The following GRM5 variants were observed in gnomAD, a reference collection of about 807,000 sequenced individuals.
The protein encoded by GRM5 is glutamate metabotropic receptor 5.
In GRM5, 19 loss-of-function variants were observed where a neutral mutation model predicts 83.1. That is an observed-to-expected ratio of 0.23 (90% CI 0.16 to 0.34). The LOEUF (loss-of-function observed/expected upper bound fraction) is 0.34, where lower values mean the gene tolerates loss of function less well. Among genes scored for constraint, GRM5 ranks in the 10% least tolerant of loss-of-function variants. GRM5 has a pLI of 1.00. For synonymous variants in GRM5, 675 were observed against 633.6 expected (o/e 1.07, Z -0.98); for missense variants, 1,160 against 1,588.3 (o/e 0.73, Z 4.58).
At chr11:88,616,571 T>A (rs1938492483) in intron 4 of GRM5, among the ~76,000 whole-genome samples, 1 of 151,978 alleles carries the variant, frequency 6.6e-6, no homozygotes. Context: ...TCTGAATATA[T>A]TTTGAAAGCA....
At chr11:88,697,071 A>G (rs1940921902) in intron 3 of GRM5, among the ~76,000 whole-genome samples, 1 of 152,188 alleles carries the variant, frequency 6.6e-6, no homozygotes. Flanking sequence ...TTTATGTCTC[A>G]TGTGTATACA....
chr11:88,689,216 T>C (rs573229293), intron 3 of GRM5, among the ~76,000 whole-genome samples: 1 of 152,334 alleles, frequency 6.6e-6, no homozygotes, highest in East Asian at 1.9e-4. Flanking sequence ...ATGCCTGCTC[T>C]GTATTAGGCA....
intron 2 of GRM5, among the ~76,000 whole-genome samples, chr11:88,949,311 C>T (rs1938380668): frequency 6.6e-6 from 1 of 152,200 alleles, no homozygotes; most frequent in Non-Finnish European, 1.5e-5. Flanking sequence ...GGATATCTTC[C>T]ATCAATAGAA....
intron 2 of GRM5, among the ~76,000 whole-genome samples, chr11:88,992,240 T>C (rs2135050028): frequency 6.6e-6 from 1 of 152,194 alleles, no homozygotes; most frequent in Non-Finnish European, 1.5e-5. Flanking sequence ...AGAAGACATT[T>C]ATGCAGCCAA....
chr11:88,704,609 T>C (rs1401000098), intron 3 of GRM5, among the ~76,000 whole-genome samples: 1 of 152,068 alleles, frequency 6.6e-6, no homozygotes, highest in Non-Finnish European at 1.5e-5. Flanking sequence ...AGCAGATGAG[T>C]AACTGCTTGA....
chr11:88,737,497 A>AAAAT (rs1941941124), intron 3 of GRM5, among the ~76,000 whole-genome samples: 1 of 152,050 alleles, frequency 6.6e-6, no homozygotes, highest in Non-Finnish European at 1.5e-5. Context: ...TCTTGCTTCA[A>AAAAT]AAATAAGAAA....
intron 2 of GRM5, among the ~76,000 whole-genome samples, chr11:88,957,702 TTCTC>T (rs781272936): frequency 1.4e-4 from 21 of 152,182 alleles, no homozygotes; most frequent in South Asian, 4.1e-4. Flanking sequence ...TGAAGATAAT[TTCTC>T]TCTATTACAT....
At chr11:88,817,923 A>T (rs1169271041) in intron 3 of GRM5, among the ~76,000 whole-genome samples, 1 of 152,092 alleles carries the variant, frequency 6.6e-6, no homozygotes, top group African/African-American at 2.4e-5. Context: ...AACATGTTAC[A>T]CTGCTTCCCT....
At chr11:88,920,946 A>G (rs1035343012) in intron 2 of GRM5, among the ~76,000 whole-genome samples, 2 of 152,204 alleles carry the variant, frequency 1.3e-5, no homozygotes, top group African/African-American at 2.4e-5. Flanking sequence ...TTAAAAACAT[A>G]TATGTGCAGG....
intron 2 of GRM5, among the ~76,000 whole-genome samples, chr11:88,929,202 G>C (rs1937630138): frequency 1.3e-5 from 2 of 151,902 alleles, no homozygotes; most frequent in Admixed American, 6.6e-5. Flanking sequence ...CACTCCCATG[G>C]ATAGGTGTAC....
At chr11:89,014,241 T>C (rs1213184397) in intron 2 of GRM5, among the ~76,000 whole-genome samples, 1 of 152,120 alleles carries the variant, frequency 6.6e-6, no homozygotes, top group African/African-American at 2.4e-5. Context: ...TATTTCTTAA[T>C]AGAAATTTAG....
intron 3 of GRM5, among the ~76,000 whole-genome samples, chr11:88,792,971 T>G (rs1029642417): frequency 3.3e-5 from 5 of 152,168 alleles, no homozygotes; most frequent in African/African-American, 1.2e-4. Context: ...CTGATACTAT[T>G]TAGAGTAAGA....
chr11:88,895,659 A>G (rs1434516887), intron 2 of GRM5, among the ~76,000 whole-genome samples: 2 of 151,962 alleles, frequency 1.3e-5, no homozygotes, highest in African/African-American at 2.4e-5. Context: ...CCACCATATA[A>G]TTATCACTTG....
chr11:89,000,607 A>T (rs1478822799), intron 2 of GRM5, among the ~76,000 whole-genome samples: 1 of 152,152 alleles, frequency 6.6e-6, no homozygotes, highest in Non-Finnish European at 1.5e-5. Flanking sequence ...TTTAGGAAAA[A>T]ATAGAACAAA....
chr11:88,784,724 A>T (rs1195034527), intron 3 of GRM5, among the ~76,000 whole-genome samples: 2 of 152,082 alleles, frequency 1.3e-5, no homozygotes, highest in East Asian at 3.9e-4. Flanking sequence ...AAGGCTTTTA[A>T]AACATGATTC....
intron 1 of GRM5, among the ~76,000 whole-genome samples, chr11:89,065,425 T>C (rs1181483900): frequency 6.6e-6 from 1 of 151,554 alleles, no homozygotes; most frequent in Non-Finnish European, 1.5e-5. Context: ...TCGTTTTCTA[T>C]GGAAACAAGC....
chr11:88,944,431 T>C (rs181735045), intron 2 of GRM5, among the ~76,000 whole-genome samples: 8 of 151,944 alleles, frequency 5.3e-5, no homozygotes, highest in Admixed American at 2.0e-4. Flanking sequence ...TTGATATATA[T>C]ATTTACATAG....
At chr11:88,809,894 CA>C (rs1186680569) in intron 3 of GRM5, among the ~76,000 whole-genome samples, 2 of 151,988 alleles carry the variant, frequency 1.3e-5, no homozygotes, top group African/African-American at 4.8e-5. Flanking sequence ...ATATCCCATG[CA>C]ATCTTAGGGA....
intron 2 of GRM5, among the ~76,000 whole-genome samples, chr11:88,947,493 CT>C (rs1290661658): frequency 6.6e-6 from 1 of 151,946 alleles, no homozygotes; most frequent in African/African-American, 2.4e-5. Context: ...GTTTAGGTAC[CT>C]AAAACGTGTT....
Sources: gnomAD v4.1 joint callset for allele counts (sites outside exome capture counted in the v4.1 genomes callset) on GRCh38, gnomAD v4.1.1 for gene constraint, MANE v1.5 for transcripts, NCBI Gene and HGNC (gene_info 2026-07-23, HGNC 2026-07-21) for gene names.